Variants in COL15A1 observed in about 807,000 individuals in gnomAD.
The protein encoded by COL15A1 is collagen type XV alpha 1 chain.
A neutral mutation model predicts 165.9 loss-of-function variants in COL15A1; 111 were observed. The observed-to-expected ratio is 0.67, with a 90% CI of 0.57 to 0.78. The LOEUF (loss-of-function observed/expected upper bound fraction) is 0.78, where lower values mean the gene tolerates loss of function less well. COL15A1 is among the 30% of genes least tolerant of loss of function. The probability of loss-of-function intolerance (pLI) is 0.00; values close to 1 mark genes in which losing one functional copy is unlikely to be tolerated. For missense variants in COL15A1, 1,745 were observed against 1,789.7 expected (o/e 0.98, Z 0.45); for synonymous variants, 659 against 674.8 (o/e 0.98, Z 0.36).
chr9:99,018,645 GAATT>G (rs1262441993), intron 11 of COL15A1, among the ~76,000 whole-genome samples: 2 of 151,658 alleles, frequency 1.3e-5, no homozygotes, highest in Non-Finnish European at 1.5e-5. Flanking sequence ...AAGATTAATT[GAATT>G]AAAGTATATT....
At chr9:99,050,505 G>GC (rs1379697335) in intron 30 of COL15A1, among the ~76,000 whole-genome samples, 1 of 152,170 alleles carries the variant, frequency 6.6e-6, no homozygotes, top group Admixed American at 6.5e-5. Context: ...CACTTGCCCG[G>GC]CCCCCCAGCC....
At chr9:99,048,057 T>C (rs869776) in intron 28 of COL15A1, 57 bp downstream of exon 28, 266,926 of 916,114 alleles carry the variant, frequency 0.29, 47,481 homozygotes, top group East Asian at 0.66. Flanking sequence ...TGAGAGAGTG[T>C]GGGGTCCACA....
intron 22 of COL15A1, among the ~76,000 whole-genome samples, chr9:99,040,241 A>G (rs1351098444): frequency 6.6e-6 from 1 of 152,136 alleles, no homozygotes; most frequent in African/African-American, 2.4e-5. Flanking sequence ...CTAAAACCAG[A>G]GATTGGGCAT....
At chr9:99,065,382 G>A (rs1034659425) in intron 39 of COL15A1, among the ~76,000 whole-genome samples, 2 of 152,060 alleles carry the variant, frequency 1.3e-5, no homozygotes, top group African/African-American at 4.8e-5. Context: ...TCTTCCCTCA[G>A]GCACCAGAGT....
intron 2 of COL15A1, among the ~76,000 whole-genome samples, chr9:98,982,162 A>T (rs1838244290): frequency 6.6e-6 from 1 of 152,180 alleles, no homozygotes; most frequent in South Asian, 2.1e-4. Context: ...TTTGTTGCCC[A>T]GGCTGAAGTG....
rs539777559 is a variant in COL15A1, at chr9:99,038,512, G to T, written c.2410-156G>T. On this transcript the variant is annotated intron_variant, in intron 21 of 41. Coordinates refer to ENST00000375001, the MANE Select transcript of COL15A1 (RefSeq NM_001855.5). ...CAGCTCAGAGCTGTTTTATAAGAAG[G>T]GGGAGGGAGAGCTGTGTTTGGCAGT... Among the ~76,000 whole-genome samples the T allele has an allele frequency of 3.9e-5, 6 of 152,330 alleles. No homozygotes were observed. The South Asian group carries it at 6.2e-4, about 16-fold the overall frequency.
rs182359566 is a variant in COL15A1, at chr9:98,979,866, G to T, written c.101-5699G>T. 5.8e-4 allele frequency among the ~76,000 whole-genome samples: 89 copies of T among 152,214 alleles called. No individual in the cohort carries two copies. In the East Asian group the frequency reaches 0.015, roughly 25 times the overall value. ...CTTAGTTTAGTGTTTTCTAAAATGA[G>T]GTGATTGGAGGCTGAGCGCAGGGGC... On this transcript the variant is annotated intron_variant, in intron 2 of 41. Transcript: ENST00000375001.
Position 98,985,606 on chromosome 9 carries a change from G to T in COL15A1, c.142G>T (p.Gly48Cys), listed in dbSNP as rs577671129. Residue 48 changes from glycine (G) to cysteine (C), a missense_variant, in exon 3 of 42, where the codon GGT becomes TGT. By Grantham distance (159) the Gly-to-Cys change is radical. Transcript: ENST00000375001. The stretch of plus-strand genomic sequence containing the variant: ...TCACCTGGACCTCACGCAGCTCATC[G>T]GTGTCCCGCTGCCCTCGTCCGTATC... ...QGHLDLTQLI[G>C]VPLPSSVSFV... is the part of the protein sequence containing the mutation. The T allele has an allele frequency of 1.9e-6, 3 of 1,614,190 alleles. No individual in the cohort carries two copies. Among genetic ancestry groups the T allele is most frequent in the South Asian group, 2.2e-5 (2 of 91,090 alleles).
At chr9:98,950,515 TC>T (rs1256646904) in intron 2 of COL15A1, among the ~76,000 whole-genome samples, 18 of 115,982 alleles carry the variant, frequency 1.6e-4, no homozygotes, top group African/African-American at 6.0e-4. Context: ...CTTCCTTCCT[TC>T]CCTTCCCTTC....
chr9:99,055,385 C>G lies in COL15A1; in HGVS notation c.3192+13C>G. 6.6e-7 allele frequency: 1 copy of G among 1,521,022 alleles called. No homozygotes were observed. 94.2% of individuals were successfully genotyped at this position (1,521,022 alleles called of 1,614,324 possible). ...TCCAGGCCCGGCTGTGAGTAGAGACCCCTCCAAGTCATCTACCCCAAAGAC... is the reference window on the plus strand; with the variant it reads ...TCCAGGCCCGGCTGTGAGTAGAGACGCCTCCAAGTCATCTACCCCAAAGAC... On this transcript the variant is annotated intron_variant, in intron 34 of 41. Coordinates refer to ENST00000375001, the MANE Select transcript of COL15A1 (RefSeq NM_001855.5).
rs1838569595 is a variant in COL15A1, at chr9:98,997,555, C to T, written c.952+474C>T. Among the ~76,000 whole-genome samples the T allele has an allele frequency of 3.3e-5, 5 of 152,244 alleles. No individual in the cohort carries two copies. In the South Asian group the frequency reaches 1.0e-3, roughly 31 times the overall value. On this transcript the variant is annotated intron_variant, in intron 6 of 41. Transcript: ENST00000375001. ...GGAAGAGCTAAGTCCAGAGTCCCCA[C>T]CCATTCTGACTTTTGCCACAAACTC...
chr9:99,049,595 A>G, intron 28 of COL15A1, 95 bp from the exon 29 acceptor site: 3 of 1,517,426 alleles, frequency 2.0e-6, no homozygotes, highest in Non-Finnish European at 2.7e-6. Context: ...GCTTCAGCAG[A>G]CCCTCCTTTC....
intron 28 of COL15A1, among the ~76,000 whole-genome samples, chr9:99,048,606 T>C (rs967732376): frequency 6.6e-6 from 1 of 152,142 alleles, no homozygotes; most frequent in Non-Finnish European, 1.5e-5. Context: ...GTTTGTTACA[T>C]ATGTATACAT....
chr9:98,944,216 C>T lies in COL15A1; in HGVS notation c.66C>T (p.Pro22=), dbSNP rs771506945. 51 of 1,613,946 alleles carry T rather than the reference C, an allele frequency of 3.2e-5. No individual in the cohort carries two copies. In the South Asian group the frequency reaches 5.2e-4, roughly 16 times the overall value. Residue 22 remains proline, a synonymous_variant, in exon 2 of 42, where the codon CCC becomes CCT. Transcript: ENST00000375001. ...TGATGCTGCTCTCGGTCTCCACGCC[C>T]CTCCCTGCTGTCACCCAGACCCGCG... ...CLLMLLSVST[P]LPAVTQTRGA...
chr9:99,027,669 G>A (rs1233123726), intron 16 of COL15A1, among the ~76,000 whole-genome samples: 1 of 152,020 alleles, frequency 6.6e-6, no homozygotes, highest in Non-Finnish European at 1.5e-5. Context: ...AGCAGTGCAA[G>A]GAGCAGCAGG....
At chr9:99,052,737 G>A (rs1156940511) in intron 31 of COL15A1, among the ~76,000 whole-genome samples, 2 of 152,154 alleles carry the variant, frequency 1.3e-5, no homozygotes, top group Middle Eastern at 3.2e-3. Flanking sequence ...GGTATGATCT[G>A]CACTGGGCTG....
intron 21 of COL15A1, 129 bp downstream of exon 21, chr9:99,036,525 T>C: frequency 1.2e-6 from 1 of 858,276 alleles, no homozygotes; most frequent in South Asian, 1.7e-5. Context: ...GTGTTAGAAC[T>C]TCCACCTGCC....
chr9:98,976,604 C>T (rs528558668), intron 2 of COL15A1, among the ~76,000 whole-genome samples: 2 of 152,240 alleles, frequency 1.3e-5, no homozygotes, highest in African/African-American at 4.8e-5. Context: ...GACTGGAGCC[C>T]GACCTCAGTG....
intron 24 of COL15A1, among the ~76,000 whole-genome samples, chr9:99,043,065 G>A (rs373768088): frequency 1.3e-5 from 2 of 152,302 alleles, no homozygotes; most frequent in Non-Finnish European, 2.9e-5. Flanking sequence ...GCCAGTGGGA[G>A]CACTGTGCAA....
Sources: gnomAD v4.1 joint callset for allele counts (sites outside exome capture counted in the v4.1 genomes callset) on GRCh38, gnomAD v4.1.1 for gene constraint, MANE v1.5 for transcripts, NCBI Gene and HGNC (gene_info 2026-07-23, HGNC 2026-07-21) for gene names.